The following CAPN9 variants were observed in gnomAD, a reference collection of about 807,000 sequenced individuals.
CAPN9 encodes the protein calpain 9, also known as calpain-9.
A neutral mutation model predicts 92.8 loss-of-function variants in CAPN9; 81 were observed. The observed-to-expected ratio is 0.87, with a 90% CI of 0.73 to 1.05. CAPN9 has a LOEUF of 1.05. CAPN9 is among the 50% of genes least tolerant of loss of function. The pLI, the probability that CAPN9 is intolerant of heterozygous loss-of-function variation, is 0.00. For missense variants in CAPN9, 848 were observed against 866.2 expected (o/e 0.98, Z 0.26); for synonymous variants, 304 against 328.0 (o/e 0.93, Z 0.79).
At chr1:230,751,604 AGAAAG>A (rs1664798918) in intron 1 of CAPN9, among the ~76,000 whole-genome samples, 1 of 13,206 alleles carries the variant, frequency 7.6e-5, no homozygotes, top group Non-Finnish European at 1.6e-4. Flanking sequence ...AAAGAAAGAA[AGAAAG>A]AGAAAGAAAG....
intron 1 of CAPN9, among the ~76,000 whole-genome samples, chr1:230,749,097 C>T (rs1664605908): frequency 6.6e-6 from 1 of 152,158 alleles, no homozygotes; most frequent in Non-Finnish European, 1.5e-5. Context: ...CTTCACCTGC[C>T]AGGTAATTGA....
intron 19 of CAPN9, among the ~76,000 whole-genome samples, chr1:230,799,975 G>A (rs1304361523): frequency 6.6e-6 from 1 of 151,788 alleles, no homozygotes; most frequent in African/African-American, 2.4e-5. Context: ...TCAGGAGATC[G>A]AGACCATCCT....
At chr1:230,748,582 C>A (rs1664576231) in intron 1 of CAPN9, among the ~76,000 whole-genome samples, 1 of 152,188 alleles carries the variant, frequency 6.6e-6, no homozygotes, top group Admixed American at 6.5e-5. Flanking sequence ...GAGCCTCAGT[C>A]TCCTCACCTG....
intron 17 of CAPN9, 91 bp downstream of exon 17, chr1:230,793,019 C>T (rs939976648): frequency 1.0e-6 from 1 of 970,860 alleles, no homozygotes; most frequent in South Asian, 1.4e-5. Flanking sequence ...CTCTCTGCTG[C>T]CCAGGAGGTG....
chr1:230,776,269 T>A (rs1015198949), intron 8 of CAPN9: 1 of 152,200 alleles, frequency 6.6e-6, no homozygotes, highest in Non-Finnish European at 1.5e-5. Context: ...ATAATGGCAC[T>A]AACCCCATCC....
In CAPN9 at chr1:230,780,708, G is replaced by A. The variant is rs776351523; in HGVS notation, c.1481G>A (p.Arg494Gln). 1.1e-5 allele frequency: 17 copies of A among 1,613,188 alleles called. No individual in the cohort carries two copies. The highest frequency in any genetic ancestry group is 5.3e-5 in the African/African-American group (4 of 74,842). ...RIFSEKKAIT[R>Q]DMDGNVDIDL... ...TTTTCAGAGAAAAAAGCCATTACCC[G>A]GTGAGTCAGAGGAACAGCTTCCAGA... is the stretch of plus-strand genomic sequence containing the variant. The change falls in exon 11 of 20, where the codon CGG (arginine) becomes CAG (glutamine). Residue 494 changes from arginine (R) to glutamine (Q), a missense_variant and splice_region_variant. Arg to Gln is a conservative substitution (Grantham distance 43). Coordinates refer to ENST00000271971, the MANE Select transcript of CAPN9 (RefSeq NM_006615.3).
At chr1:230,752,107 A>T (rs1664882208) in intron 1 of CAPN9, among the ~76,000 whole-genome samples, 1 of 152,198 alleles carries the variant, frequency 6.6e-6, no homozygotes, top group Non-Finnish European at 1.5e-5. Flanking sequence ...CCAAGTGCAC[A>T]TGCAACCAGC....
intron 9 of CAPN9, 102 bp downstream of exon 9, chr1:230,779,235 T>C: frequency 9.1e-7 from 1 of 1,104,124 alleles, no homozygotes; most frequent in South Asian, 1.6e-5. Flanking sequence ...GCCTGAAACA[T>C]AGTAAGGTTT....
chr1:230,791,160 T>G (rs1468119961), intron 14 of CAPN9, among the ~76,000 whole-genome samples: 2 of 152,166 alleles, frequency 1.3e-5, no homozygotes, highest in African/African-American at 4.8e-5. Context: ...CGGTTTTTGG[T>G]CATTATGAAT....
chr1:230,774,747 T>C (rs200064060), intron 8 of CAPN9, 116 bp downstream of exon 8: 40 of 672,098 alleles, frequency 6.0e-5, no homozygotes, highest in South Asian at 1.6e-4. Flanking sequence ...TTCTTTTTTT[T>C]TTTTTTTTTT....
Position 230,767,542 on chromosome 1 carries a change from C to T in CAPN9, c.538C>T (p.Leu180=). 1 of 1,608,040 alleles carries T rather than the reference C, an allele frequency of 6.2e-7. No homozygotes were observed. The highest frequency in any genetic ancestry group is 8.5e-7 in the Non-Finnish European group (1 of 1,177,454). The change falls in exon 5 of 20, where the codon CTA becomes TTA. Residue 180 remains leucine (L), a splice_region_variant and synonymous_variant. Coordinates refer to ENST00000271971, the MANE Select transcript of CAPN9 (RefSeq NM_006615.3). ...SALLEKAYAK[L]NGSYEALKGG... is the part of the protein sequence containing the mutation. ...CTCTCTCTCTTGCCACCCTTGCAGG[C>T]TAAATGGGAGCTATGAAGCTCTGAA...
chr1:230,769,482 G>A (rs1406326448), intron 6 of CAPN9, among the ~76,000 whole-genome samples: 1 of 152,186 alleles, frequency 6.6e-6, no homozygotes, highest in Non-Finnish European at 1.5e-5. Flanking sequence ...GCAGCTGTAA[G>A]CGCCTGGTCT....
In CAPN9 at chr1:230,780,492, C is replaced by T; in HGVS notation, c.1273-8C>T. ...CTAGGAAACCCCTCCCTTTCTTGCC[C>T]ATTGCAGTGCCCTGACAAAGACGAA... is the stretch of plus-strand genomic sequence containing the variant. On this transcript the variant is annotated splice_region_variant and splice_polypyrimidine_tract_variant and intron_variant, in intron 10 of 19. Coordinates refer to ENST00000271971, the MANE Select transcript of CAPN9 (RefSeq NM_006615.3). 1 of 1,613,556 alleles carries T rather than the reference C, an allele frequency of 6.2e-7. No individual in the cohort carries two copies. Among genetic ancestry groups the T allele is most frequent in the Non-Finnish European group, 8.5e-7 (1 of 1,179,520 alleles).
chr1:230,774,609 G>A lies in CAPN9; in HGVS notation c.931G>A (p.Ala311Thr). The A allele has an allele frequency of 6.2e-7, 1 of 1,613,838 alleles. No homozygotes were observed. Among genetic ancestry groups the A allele is most frequent in the Non-Finnish European group, 8.5e-7 (1 of 1,179,730 alleles). ...PAEQKRLCHT[A>T]LDDGEFWMAF... Reference sequence around the variant, plus strand: ...TGAGCAGAAGCGTCTGTGTCACACTGCTCTGGATGATGGGGAATTCTGGTA... The same window carrying A: ...TGAGCAGAAGCGTCTGTGTCACACTACTCTGGATGATGGGGAATTCTGGTA... The change falls in exon 8 of 20, where the codon GCT becomes ACT. Residue 311 changes from alanine to threonine, a missense_variant. Coordinates refer to ENST00000271971, the MANE Select transcript of CAPN9 (RefSeq NM_006615.3).
In CAPN9 at chr1:230,774,647, C is replaced by G. The variant is rs373319910; in HGVS notation, c.953+16C>G. On this transcript the variant is annotated intron_variant, in intron 8 of 19. Transcript: ENST00000271971. ...GGGAATTCTGGTACCGTGCTTGTTC[C>G]TGTGTTAACTGCAGATACGAGCAAG... The G allele has an allele frequency of 3.8e-6, 6 of 1,589,632 alleles. No individual in the cohort carries two copies. In the South Asian group the frequency reaches 5.5e-5, roughly 15 times the overall value.
intron 7 of CAPN9, 100 bp downstream of exon 7, chr1:230,772,199 C>A: frequency 1.0e-6 from 1 of 983,196 alleles, no homozygotes; most frequent in Non-Finnish European, 1.6e-6. Flanking sequence ...CTACTATCCT[C>A]CCGGGCTCTG....
At chr1:230,796,020 A>G (rs1390320551) in intron 18 of CAPN9, among the ~76,000 whole-genome samples, 2 of 144,208 alleles carry the variant, frequency 1.4e-5, no homozygotes, top group Non-Finnish European at 3.0e-5. Context: ...CGAGGTATGA[A>G]TACTTGATTA....
At chr1:230,761,840 C>T (rs941346339) in intron 3 of CAPN9, among the ~76,000 whole-genome samples, 1 of 152,166 alleles carries the variant, frequency 6.6e-6, no homozygotes, top group Non-Finnish European at 1.5e-5. Context: ...TTCCAACCTC[C>T]CTTCCTGTTC....
chr1:230,800,957 A>G (rs1042045005), intron 19 of CAPN9, among the ~76,000 whole-genome samples: 4 of 152,186 alleles, frequency 2.6e-5, no homozygotes, highest in Non-Finnish European at 5.9e-5. Context: ...AGTAGCTCTC[A>G]TACTATATAC....
Sources: gnomAD v4.1 joint callset for allele counts (sites outside exome capture counted in the v4.1 genomes callset) on GRCh38, gnomAD v4.1.1 for gene constraint, MANE v1.5 for transcripts, NCBI Gene and HGNC (gene_info 2026-07-23, HGNC 2026-07-21) for gene names.